The following NHSL3 variants were observed in gnomAD, a reference collection of about 807,000 sequenced individuals.
NHSL3 encodes the protein NHS like 3.
At chr1:32,746,746 G>A in the NHSL3 span, among the ~76,000 whole-genome samples, 15 of 152,116 alleles carry the variant, frequency 9.9e-5, no homozygotes, top group South Asian at 2.1e-4. Flanking sequence ...TCACAATGAC[G>A]GAGCCACTCA....
At chr1:32,760,277 G>A in the NHSL3 span, among the ~76,000 whole-genome samples, 1 of 152,184 alleles carries the variant, frequency 6.6e-6, no homozygotes, top group African/African-American at 2.4e-5. Context: ...CCCTGAGTCA[G>A]GCCTGCCTGG....
At chr1:32,770,948 C>T in the NHSL3 span, 1 of 1,564,218 alleles carries the variant, frequency 6.4e-7, no homozygotes, top group Non-Finnish European at 8.8e-7. The surrounding 1 kb of genome is among the most constrained non-coding windows in gnomAD (Gnocchi z 8.3). Context: ...CAAAGTGGTA[C>T]TCCCACCCTC....
chr1:32,762,906 C>T, the NHSL3 span, among the ~76,000 whole-genome samples: 1 of 151,680 alleles, frequency 6.6e-6, no homozygotes, highest in Non-Finnish European at 1.5e-5. Flanking sequence ...AACTCTTGAC[C>T]TCAGGTGATC....
the NHSL3 span, among the ~76,000 whole-genome samples, chr1:32,751,654 T>A: frequency 3.6e-4 from 55 of 151,838 alleles, no homozygotes; most frequent in Non-Finnish European, 3.5e-4. Flanking sequence ...GAAGAGGGGG[T>A]GCAAGGAAGA....
the NHSL3 span, chr1:32,754,299 C>T: frequency 6.9e-6 from 4 of 578,262 alleles, no homozygotes; most frequent in Non-Finnish European, 1.3e-5. Flanking sequence ...TCGGGAATCC[C>T]CGCGCAGACC....
At chr1:32,768,507 A>G in the NHSL3 span, 2 of 855,682 alleles carry the variant, frequency 2.3e-6, no homozygotes, top group Non-Finnish European at 3.6e-6. Flanking sequence ...AGGCAGGATA[A>G]TCGCTTGAAC....
the NHSL3 span, among the ~76,000 whole-genome samples, chr1:32,761,620 C>T: frequency 3.3e-5 from 5 of 152,134 alleles, no homozygotes; most frequent in Non-Finnish European, 5.9e-5. Flanking sequence ...CTCTGAGCCT[C>T]GCAGGCCCAT....
chr1:32,771,006 G>A, the NHSL3 span: 1 of 1,351,974 alleles, frequency 7.4e-7, no homozygotes, highest in South Asian at 1.1e-5. Context: ...GCAAGGCCCA[G>A]CCCCCTAAAC....
chr1:32,771,113 G>A, the NHSL3 span: 87 of 1,612,838 alleles, frequency 5.4e-5, 1 homozygote, highest in South Asian at 8.5e-4. Context: ...CCCTCAGACC[G>A]CTCTGGGCCA....
the NHSL3 span, among the ~76,000 whole-genome samples, chr1:32,760,676 C>T: frequency 7.3e-5 from 11 of 151,072 alleles, no homozygotes; most frequent in African/African-American, 2.4e-4. Context: ...CTGCAACCTT[C>T]GCCTCCTGGG....
At chr1:32,743,087 A>AT in the NHSL3 span, among the ~76,000 whole-genome samples, 1 of 151,902 alleles carries the variant, frequency 6.6e-6, no homozygotes. Flanking sequence ...GCCTTCCCTC[A>AT]TTTTCCAGTT....
chr1:32,759,158 G>A, the NHSL3 span, among the ~76,000 whole-genome samples: 1 of 152,078 alleles, frequency 6.6e-6, no homozygotes. Flanking sequence ...TTGGGGTCAG[G>A]GTTTACACTA....
chr1:32,754,000 A>T, the NHSL3 span: 2 of 418,998 alleles, frequency 4.8e-6, no homozygotes, highest in East Asian at 8.2e-5. Context: ...CCCGCCCGCG[A>T]GTCTCGCTGC....
At chr1:32,753,769 G>A in the NHSL3 span, among the ~76,000 whole-genome samples, 14 of 152,346 alleles carry the variant, frequency 9.2e-5, no homozygotes, top group Non-Finnish European at 1.9e-4. Flanking sequence ...GTAGCCTCTG[G>A]GCTGAGAGAG....
At chr1:32,770,055 G>C in the NHSL3 span, 1 of 1,570,718 alleles carries the variant, frequency 6.4e-7, no homozygotes, top group Non-Finnish European at 8.6e-7. This position sits in a 1 kb window ranked among gnomAD's most constrained non-coding sequence, Gnocchi z 8.3. Flanking sequence ...AGGCCATGCT[G>C]CAGCGCCACA....
the NHSL3 span, among the ~76,000 whole-genome samples, chr1:32,763,400 A>C: frequency 3.3e-5 from 5 of 151,976 alleles, no homozygotes; most frequent in Non-Finnish European, 5.9e-5. Context: ...TCCATTGCTC[A>C]ATCCTCCAGC....
the NHSL3 span, chr1:32,770,300 T>C: frequency 4.3e-6 from 7 of 1,612,528 alleles, no homozygotes; most frequent in Non-Finnish European, 5.9e-6. The surrounding 1 kb of genome is among the most constrained non-coding windows in gnomAD (Gnocchi z 8.3). Flanking sequence ...CGCTGCAGCC[T>C]GCGCACACTA....
At chr1:32,758,632 C>T in the NHSL3 span, among the ~76,000 whole-genome samples, 94 of 152,044 alleles carry the variant, frequency 6.2e-4, no homozygotes, top group Non-Finnish European at 7.9e-4. Flanking sequence ...TAAGCGGAAT[C>T]TCCTTGCTGC....
chr1:32,754,254 C>A, the NHSL3 span: 1 of 670,164 alleles, frequency 1.5e-6, no homozygotes, highest in East Asian at 3.0e-5. Context: ...GCTGCTGCCC[C>A]CTCCCGGGGC....
Sources: allele counts gnomAD v4.1 joint callset (sites outside exome capture counted in the v4.1 genomes callset), GRCh38; gene constraint gnomAD v4.1.1; non-coding constraint Gnocchi (gnomAD v3.1); transcripts MANE v1.5; gene names NCBI Gene and HGNC (gene_info 2026-07-23, HGNC 2026-07-21).